The following FICD variants were observed in gnomAD, a reference collection of about 807,000 sequenced individuals.
FICD encodes FIC domain protein adenylyltransferase.
Under a neutral mutation model 28.0 loss-of-function variants are expected in FICD, and 13 were observed. That is an observed-to-expected ratio of 0.46 (90% CI 0.30 to 0.74). The LOEUF (loss-of-function observed/expected upper bound fraction) is 0.74, where lower values mean the gene tolerates loss of function less well. Ranked by LOEUF, FICD falls within the 30% of genes least tolerant of loss-of-function variation. The pLI is 0.07. For synonymous variants in FICD, 268 were observed against 266.4 expected (o/e 1.01, Z -0.06); for missense variants, 576 against 624.5 (o/e 0.92, Z 0.83).
At position 108,519,370 on chromosome 12, in the gene FICD, C is replaced by T; in HGVS notation, c.1272C>T (p.Thr424=). 6 of 1,614,160 alleles carry T rather than the reference C, an allele frequency of 3.7e-6. No individual in the cohort carries two copies. Among genetic ancestry groups the T allele is most frequent in the Non-Finnish European group, 5.1e-6 (6 of 1,180,020 alleles). Residue 424 remains threonine (T), a synonymous_variant, in exon 3 of 3, where the codon ACC becomes ACT. Coordinates refer to ENST00000552695, the MANE Select transcript of FICD (RefSeq NM_007076.3). This position sits in a 1 kb window ranked among gnomAD's most constrained non-coding sequence, Gnocchi z 4.5. ...GCTTCATCGCCAAGTGTACTGAGAC[C>T]ACCCTGGACACCCTGCTTTTTGCCA... is the stretch of plus-strand genomic sequence containing the variant. ...FIRFIAKCTE[T]TLDTLLFATT...
rs1565853175 is a variant in FICD at position 108,519,077 on chromosome 12, G to A, written c.979G>A (p.Val327Met). ...CCACATCCCTCCCCATCCGCAGGAT[G>A]TGGAAAAGCAGATGCAGGAGTTTGT... Reference protein sequence around the residue: ...GHHIPPHPQDVEKQMQEFVQW... With the variant: ...GHHIPPHPQDMEKQMQEFVQW... The change falls in exon 3 of 3, where the codon GTG becomes ATG. Residue 327 changes from valine to methionine, a missense_variant. Val to Met is a conservative substitution (Grantham distance 21, BLOSUM62 1). Transcript: ENST00000552695. The surrounding 1 kb of genome is among the most constrained non-coding windows in gnomAD (Gnocchi z 4.5). 6.2e-7 allele frequency: 1 copy of A among 1,614,270 alleles called. No individual in the cohort carries two copies. Among genetic ancestry groups the A allele is most frequent in the Non-Finnish European group, 8.5e-7 (1 of 1,180,058 alleles).
rs961848192 is a variant in FICD, at chr12:108,519,399, C to G, written c.1301C>G (p.Thr434Ser). Residue 434 changes from threonine to serine, a missense_variant, in exon 3 of 3, where the codon ACT (threonine) becomes AGT (serine). By Grantham distance (58) the Thr-to-Ser change is moderately conservative. Coordinates refer to ENST00000552695, the MANE Select transcript of FICD (RefSeq NM_007076.3). This position sits in a 1 kb window ranked among gnomAD's most constrained non-coding sequence, Gnocchi z 4.5. ...TTLDTLLFATTEYSVALPEAQ... is the reference protein window; with the variant it reads ...TTLDTLLFATSEYSVALPEAQ... ...CTGGACACCCTGCTTTTTGCCACAA[C>G]TGAGTACTCGGTGGCACTGCCAGAA... 4 of 1,614,032 alleles carry G rather than the reference C, an allele frequency of 2.5e-6. No individual in the cohort carries two copies. In the Admixed American group the frequency reaches 5.0e-5, roughly 20 times the overall value.
At position 108,518,888 on chromosome 12, in the gene FICD, G is replaced by A; in HGVS notation, c.790G>A (p.Val264Ile). 1 of 1,614,146 alleles carries A rather than the reference G, an allele frequency of 6.2e-7. No individual in the cohort carries two copies. Among genetic ancestry groups the A allele is most frequent in the Non-Finnish European group, 8.5e-7 (1 of 1,180,034 alleles). ...GAAGAGCCTGGAGGAGCAGAACGAGGTCATAGGCATGCATGCAGCCATGAA... is the reference window on the plus strand; with the variant it reads ...GAAGAGCCTGGAGGAGCAGAACGAGATCATAGGCATGCATGCAGCCATGAA... ...PGKSLEEQNE[V>I]IGMHAAMKYI... The change falls in exon 3 of 3, where the codon GTC (valine) becomes ATC (isoleucine). Residue 264 changes from valine (V) to isoleucine (I), a missense_variant. Coordinates refer to ENST00000552695, the MANE Select transcript of FICD (RefSeq NM_007076.3). This position sits in a 1 kb window ranked among gnomAD's most constrained non-coding sequence, Gnocchi z 4.4.
chr12:108,519,252 G>A lies in FICD; in HGVS notation c.1154G>A (p.Gly385Asp). 1 of 1,614,220 alleles carries A rather than the reference G, an allele frequency of 6.2e-7. No individual in the cohort carries two copies. The change falls in exon 3 of 3, where the codon GGC becomes GAC. Residue 385 changes from glycine to aspartate, a missense_variant. Physicochemically the swap from Gly to Asp is moderately conservative, Grantham distance 94. Transcript: ENST00000552695. The surrounding 1 kb of genome is among the most constrained non-coding windows in gnomAD (Gnocchi z 4.5). ...LLMNLILMQA[G>D]YPPITIRKEQ... The stretch of plus-strand genomic sequence containing the variant: ...ATGAACCTCATCCTCATGCAGGCGG[G>A]CTACCCGCCCATCACCATCCGCAAG...
In FICD at chr12:108,518,593, A is replaced by T; in HGVS notation, c.495A>T (p.Arg165Ser). 6.2e-7 allele frequency: 1 copy of T among 1,614,208 alleles called. No homozygotes were observed. The highest frequency in any genetic ancestry group is 8.5e-7 in the Non-Finnish European group (1 of 1,180,036). Residue 165 changes from arginine (R) to serine (S), a missense_variant, in exon 3 of 3, where the codon AGA becomes AGT. Physicochemically the swap from Arg to Ser is moderately radical, Grantham distance 110. Transcript: ENST00000552695. The surrounding 1 kb of genome is among the most constrained non-coding windows in gnomAD (Gnocchi z 4.4). ...TCCAGGCGGACTACTTGTACACCAG[A>T]GCATTGACCATCTCACCCTACCATG... is the stretch of plus-strand genomic sequence containing the variant. ...DIIQADYLYT[R>S]ALTISPYHEK...
rs1204075283 is a variant in FICD, at chr12:108,518,418, G to C, written c.320G>C (p.Arg107Thr). The change falls in exon 3 of 3, where the codon AGA becomes ACA. Residue 107 changes from arginine (R) to threonine (T), a missense_variant. Arg to Thr is a moderately conservative substitution (Grantham distance 71). Coordinates refer to ENST00000552695, the MANE Select transcript of FICD (RefSeq NM_007076.3). The surrounding 1 kb of genome is among the most constrained non-coding windows in gnomAD (Gnocchi z 4.4). ...CTTCCAGCGGGTAAGTTGGAAGCCAGAGCTGCCCTGAACCAGGCCCTGGAG... is the reference window on the plus strand; with the variant it reads ...CTTCCAGCGGGTAAGTTGGAAGCCACAGCTGCCCTGAACCAGGCCCTGGAG... ...KASPAGKLEA[R>T]AALNQALEMK... 1.2e-6 allele frequency: 2 copies of C among 1,613,966 alleles called. No homozygotes were observed. The highest frequency in any genetic ancestry group is 1.7e-5 in the Admixed American group (1 of 60,006).
At position 108,519,849 on chromosome 12, in the gene FICD, C is replaced by CAT. The variant is rs1485718889; in HGVS notation, c.*376_*377dup. The CAT allele has an allele frequency of 3.0e-5, 5 of 168,956 alleles. No homozygotes were observed. The highest frequency in any genetic ancestry group is 6.0e-5 in the Admixed American group (1 of 16,532). The allele number at this position is 168,956 out of a possible 1,614,324, so 10.5% of individuals were successfully genotyped here. ...GTGGGACGGGGCCCAGAGCCACTGA[C>CAT]ATAACTCCTCCAAGTGCTTCTCTGA... On this transcript the variant is annotated 3_prime_UTR_variant, in exon 3 of 3. Transcript: ENST00000552695. This position sits in a 1 kb window ranked among gnomAD's most constrained non-coding sequence, Gnocchi z 4.5.
In FICD at chr12:108,519,355, C is replaced by A. The variant is rs1225631002; in HGVS notation, c.1257C>A (p.Ala419=). The part of the protein sequence containing the change: ...GDVRPFIRFI[A]KCTETTLDTL... ...TGAGGCCTTTCATTCGCTTCATCGC[C>A]AAGTGTACTGAGACCACCCTGGACA... is the stretch of plus-strand genomic sequence containing the variant. Residue 419 remains alanine (A), a synonymous_variant, in exon 3 of 3, where the codon GCC becomes GCA. Transcript: ENST00000552695. The surrounding 1 kb of genome is among the most constrained non-coding windows in gnomAD (Gnocchi z 4.5). The A allele has an allele frequency of 6.2e-7, 1 of 1,614,158 alleles. No individual in the cohort carries two copies. The highest frequency in any genetic ancestry group is 8.5e-7 in the Non-Finnish European group (1 of 1,180,030).
At chr12:108,515,929 GCT>G (rs1444556515) in intron 1 of FICD, among the ~76,000 whole-genome samples, 1 of 152,166 alleles carries the variant, frequency 6.6e-6, no homozygotes, top group African/African-American at 2.4e-5. Context: ...TTTAACTTAT[GCT>G]CTCTGTGTCT....
chr12:108,517,017 GA>G lies in FICD; in HGVS notation c.48del (p.Lys16AsnfsTer12). 6.4e-7 allele frequency: 1 copy of G among 1,554,178 alleles called. No homozygotes were observed. The highest frequency in any genetic ancestry group is 8.7e-7 in the Non-Finnish European group (1 of 1,144,192). On this transcript the variant is annotated frameshift_variant, in exon 2 of 3. Coordinates refer to ENST00000552695, the MANE Select transcript of FICD (RefSeq NM_007076.3). LOFTEE classifies it high-confidence loss of function. ...CTTCAGTGATGGCGGTGACTGAACCGAAATGGGTCTCGGTCTGGAGCCGCTT... is the reference window on the plus strand; with the variant it reads ...CTTCAGTGATGGCGGTGACTGAACCGAATGGGTCTCGGTCTGGAGCCGCTT... Reference protein sequence around the residue: ...MASVMAVTEPKWVSVWSRFLW... With the variant: ...MASVMAVTEPXWVSVWSRFLW...
intron 2 of FICD, 110 bp downstream of exon 2, chr12:108,517,383 GAGCTCCTAGTAT>G (rs1871942928): frequency 1.1e-6 from 1 of 876,306 alleles, no homozygotes; most frequent in African/African-American, 1.7e-5. Context: ...AGTCAGCCCT[GAGCTCCTAGTAT>G]AGACAAGGTG....
Position 108,519,438 on chromosome 12 carries a change from A to G in FICD, c.1340A>G (p.His447Arg). The G allele has an allele frequency of 6.2e-7, 1 of 1,611,412 alleles. No individual in the cohort carries two copies. Among genetic ancestry groups the G allele is most frequent in the Non-Finnish European group, 8.5e-7 (1 of 1,179,218 alleles). Reference protein sequence around the residue: ...SVALPEAQPNHSGFKETLPVK... With the variant: ...SVALPEAQPNRSGFKETLPVK... The stretch of plus-strand genomic sequence containing the variant: ...GCACTGCCAGAAGCCCAACCCAACC[A>G]CTCTGGGTTCAAGGAGACGCTTCCT... The change falls in exon 3 of 3, where the codon CAC (histidine) becomes CGC (arginine). Residue 447 changes from histidine (H) to arginine (R), a missense_variant. Coordinates refer to ENST00000552695, the MANE Select transcript of FICD (RefSeq NM_007076.3). The surrounding 1 kb of genome is among the most constrained non-coding windows in gnomAD (Gnocchi z 4.5).
Position 108,517,247 on chromosome 12 carries a change from TGG to T in FICD, c.276_277del (p.Val93GlyfsTer10). The T allele has an allele frequency of 6.5e-7, 1 of 1,543,568 alleles. No individual in the cohort carries two copies. Among genetic ancestry groups the T allele is most frequent in the Non-Finnish European group, 8.7e-7 (1 of 1,145,088 alleles). ...ATCACCTCCAGGGGCGCGACGCTGCTGGTGGCCAAGACCAAGGCCTCTCCAGG... is the reference window on the plus strand; with the variant it reads ...ATCACCTCCAGGGGCGCGACGCTGCTTGGCCAAGACCAAGGCCTCTCCAGG... On this transcript the variant is annotated frameshift_variant, in exon 2 of 3. Transcript: ENST00000552695. LOFTEE classifies it high-confidence loss of function.
At chr12:108,517,442 G>A in intron 2 of FICD, 169 bp downstream of exon 2, 1 of 513,098 alleles carries the variant, frequency 1.9e-6, no homozygotes, top group Non-Finnish European at 3.2e-6. Flanking sequence ...TGGTGATGGG[G>A]AAGCATAAAG....
Position 108,519,211 on chromosome 12 carries a change from G to C in FICD, c.1113G>C (p.Arg371Ser), listed in dbSNP as rs774630984. The C allele has an allele frequency of 1.2e-6, 2 of 1,614,214 alleles. No homozygotes were observed. Among genetic ancestry groups the C allele is most frequent in the South Asian group, 2.2e-5 (2 of 91,088 alleles). ...YIHPFIDGNG[R>S]TSRLLMNLIL... Reference sequence around the variant, plus strand: ...ACCCTTTCATTGATGGCAACGGGAGGACCTCCCGTCTGCTCATGAACCTCA... The same window carrying C: ...ACCCTTTCATTGATGGCAACGGGAGCACCTCCCGTCTGCTCATGAACCTCA... Residue 371 changes from arginine to serine, a missense_variant, in exon 3 of 3, where the codon AGG becomes AGC. Coordinates refer to ENST00000552695, the MANE Select transcript of FICD (RefSeq NM_007076.3). The surrounding 1 kb of genome is among the most constrained non-coding windows in gnomAD (Gnocchi z 4.5).
Position 108,518,531 on chromosome 12 carries a change from G to A in FICD, c.433G>A (p.Glu145Lys), listed in dbSNP as rs778841180. Residue 145 changes from glutamate to lysine, a missense_variant, in exon 3 of 3, where the codon GAG (glutamate) becomes AAG (lysine). Transcript: ENST00000552695. This position sits in a 1 kb window ranked among gnomAD's most constrained non-coding sequence, Gnocchi z 4.4. ...MDPDFVDALT[E>K]FGIFSEEDKD... Reference sequence around the variant, plus strand: ...CCCGGACTTCGTGGACGCGCTCACCGAGTTTGGCATCTTCTCGGAAGAAGA... The same window carrying A: ...CCCGGACTTCGTGGACGCGCTCACCAAGTTTGGCATCTTCTCGGAAGAAGA... The A allele has an allele frequency of 1.4e-5, 23 of 1,614,078 alleles. No individual in the cohort carries two copies. The East Asian group carries it at 2.2e-4, about 16-fold the overall frequency.
intron 1 of FICD, among the ~76,000 whole-genome samples, chr12:108,515,928 T>G (rs1185649166): frequency 6.6e-6 from 1 of 152,254 alleles, no homozygotes; most frequent in Non-Finnish European, 1.5e-5. Flanking sequence ...ATTTAACTTA[T>G]GCTCTCTGTG....
rs375424139 is a variant in FICD, at chr12:108,519,044, G to C, written c.946G>C (p.Val316Leu). Residue 316 changes from valine (V) to leucine (L), a missense_variant, in exon 3 of 3, where the codon GTC becomes CTC. By Grantham distance (32) the Val-to-Leu change is conservative. Coordinates refer to ENST00000552695, the MANE Select transcript of FICD (RefSeq NM_007076.3). The surrounding 1 kb of genome is among the most constrained non-coding windows in gnomAD (Gnocchi z 4.5). ...CAGGTTTCGGACAACACAGGTCCTG[G>C]TCGGACACCACATCCCTCCCCATCC... ...AGRFRTTQVL[V>L]GHHIPPHPQD... 1.2e-6 allele frequency: 2 copies of C among 1,614,102 alleles called. No homozygotes were observed. Among genetic ancestry groups the C allele is most frequent in the East Asian group, 4.5e-5 (2 of 44,890 alleles).
At position 108,520,316 on chromosome 12, in the gene FICD, A is replaced by G. The variant is rs1474122995; in HGVS notation, c.*841A>G. 6.6e-6 allele frequency: 1 copy of G among 152,096 alleles called. No homozygotes were observed. The highest frequency in any genetic ancestry group is 1.9e-4 in the East Asian group (1 of 5,194). The allele number at this position is 152,096 out of a possible 1,614,324, so 9.4% of individuals were successfully genotyped here. The stretch of plus-strand genomic sequence containing the variant: ...TGTATCGTGCTGCAAACCAGGTGTT[A>G]TGCTAGTAGGCATCTGCCCTCACCC... On this transcript the variant is annotated 3_prime_UTR_variant, in exon 3 of 3. Transcript: ENST00000552695.
Sources: gnomAD v4.1 joint callset for allele counts (sites outside exome capture counted in the v4.1 genomes callset) on GRCh38, gnomAD v4.1.1 for gene constraint, Gnocchi (gnomAD v3.1) non-coding constraint, MANE v1.5 for transcripts, NCBI Gene and HGNC (gene_info 2026-07-23, HGNC 2026-07-21) for gene names.